Variants in HEATR6 observed in about 807,000 individuals in gnomAD.
The protein encoded by HEATR6 is HEAT repeat-containing protein 6.
Under a neutral mutation model 132.8 loss-of-function variants are expected in HEATR6, and 106 were observed. The ratio of observed to expected loss-of-function variants is 0.80; its 90% CI spans 0.68 to 0.94. HEATR6 has a LOEUF of 0.94. Among genes scored for constraint, HEATR6 ranks in the 40% least tolerant of loss-of-function variants. The pLI is 0.00. For missense variants in HEATR6, 1,339 were observed against 1,425.1 expected (o/e 0.94, Z 0.97); for synonymous variants, 529 against 537.8 (o/e 0.98, Z 0.23).
chr17:60,073,816 G>A lies in HEATR6; in HGVS notation c.398C>T (p.Ser133Phe). 1 of 1,613,894 alleles carries A rather than the reference G, an allele frequency of 6.2e-7. No homozygotes were observed. The change falls in exon 3 of 20, where the codon TCC (serine) becomes TTC (phenylalanine). Residue 133 changes from serine to phenylalanine, a missense_variant. Physicochemically the swap from Ser to Phe is radical, Grantham distance 155. Transcript: ENST00000184956. ...TTGAAGAATTTCCCTGTGTGTCCAG[G>A]AACTACACTGATGAATAGCCGAAAT... is the stretch of plus-strand genomic sequence containing the variant. ...YTISAIHQCS[S>F]WTHREILQAL...
At chr17:60,064,010 T>C (rs1468347627) in intron 9 of HEATR6, 1 of 152,172 alleles carries the variant, frequency 6.6e-6, no homozygotes, top group Non-Finnish European at 1.5e-5. Flanking sequence ...GTCTTTATTT[T>C]AAAAGCCTGT....
In HEATR6 at chr17:60,047,324, G is replaced by A. The variant is rs754749211; in HGVS notation, c.2754C>T (p.Ser918=). 1.9e-6 allele frequency: 3 copies of A among 1,609,168 alleles called. No homozygotes were observed. The highest frequency in any genetic ancestry group is 2.2e-5 in the South Asian group (2 of 90,618). ...GTGAGTCTACCTTGTCTTTATCCTTGGATGCTTCTATAGCTGATCGTAACA... is the reference window on the plus strand; with the variant it reads ...GTGAGTCTACCTTGTCTTTATCCTTAGATGCTTCTATAGCTGATCGTAACA... ...LKMLRSAIEA[S]KDKDKVKSNA... The change falls in exon 18 of 20, where the codon TCC becomes TCT. Residue 918 remains serine, a synonymous_variant. Transcript: ENST00000184956.
In HEATR6 at chr17:60,043,274, C is replaced by G. The variant is rs1489019852; in HGVS notation, c.*289G>C. The G allele has an allele frequency of 5.8e-6, 2 of 345,810 alleles. No individual in the cohort carries two copies. The highest frequency in any genetic ancestry group is 2.1e-5 in the African/African-American group (1 of 46,700). 21.4% of individuals were successfully genotyped at this position (345,810 alleles called of 1,614,324 possible). ...CGAAATCCTTCTACATTTTTTTTTT[C>G]TGAGACTAAATGCCCTCAAAGCCCG... On this transcript the variant is annotated 3_prime_UTR_variant, in exon 20 of 20. Transcript: ENST00000184956.
chr17:60,063,246 T>C (rs2083221635), intron 9 of HEATR6: 1 of 152,222 alleles, frequency 6.6e-6, no homozygotes. Context: ...GTTTTCACTT[T>C]TTATAGTTAT....
At position 60,067,609 on chromosome 17, in the gene HEATR6, C is replaced by T. The variant is rs1402375766; in HGVS notation, c.1063G>A (p.Glu355Lys). 1 of 1,612,426 alleles carries T rather than the reference C, an allele frequency of 6.2e-7. No homozygotes were observed. The highest frequency in any genetic ancestry group is 1.7e-5 in the Admixed American group (1 of 59,672). ...VTGTGRVNLH[E>K]GNTWCPSSLG... is the part of the protein sequence containing the mutation. Reference sequence around the variant, plus strand: ...GAGGAGGGACACCAAGTGTTCCCTTCATGCAGGTTCACTCTGCCTGTGCCA... The same window carrying T: ...GAGGAGGGACACCAAGTGTTCCCTTTATGCAGGTTCACTCTGCCTGTGCCA... Residue 355 changes from glutamate (E) to lysine (K), a missense_variant, in exon 8 of 20, where the codon GAA becomes AAA. Transcript: ENST00000184956.
chr17:60,065,634 AT>A (rs974776853), intron 9 of HEATR6, among the ~76,000 whole-genome samples: 10 of 152,172 alleles, frequency 6.6e-5, no homozygotes, highest in African/African-American at 2.2e-4. Context: ...CCTGCCAATC[AT>A]TTTTTTCTTC....
chr17:60,051,392 CA>C (rs1221411904), intron 14 of HEATR6, among the ~76,000 whole-genome samples: 3 of 152,242 alleles, frequency 2.0e-5, no homozygotes. Flanking sequence ...CTTTTTCACA[CA>C]AGGAAACTGA....
In HEATR6 at chr17:60,067,587, G is replaced by A. The variant is rs2083248615; in HGVS notation, c.1085C>T (p.Ser362Phe). ...AGGCAAACTCTGGACACCCAGGGAG[G>A]AGGGACACCAAGTGTTCCCTTCATG... ...NLHEGNTWCP[S>F]SLGVQSLPLD... The change falls in exon 8 of 20, where the codon TCC (serine) becomes TTC (phenylalanine). Residue 362 changes from serine to phenylalanine, a missense_variant. Ser to Phe is a radical substitution (Grantham distance 155). Transcript: ENST00000184956. 4 of 1,613,180 alleles carry A rather than the reference G, an allele frequency of 2.5e-6. No homozygotes were observed. The highest frequency in any genetic ancestry group is 3.4e-6 in the Non-Finnish European group (4 of 1,179,668).
intron 5 of HEATR6, among the ~76,000 whole-genome samples, chr17:60,071,559 C>A (rs1226740278): frequency 2.0e-5 from 3 of 152,208 alleles, no homozygotes; most frequent in Non-Finnish European, 2.9e-5. Flanking sequence ...AGTTAACTAA[C>A]TTGTCCAAGG....
At chr17:60,067,289 A>G (rs904216106) in intron 8 of HEATR6, 145 bp downstream of exon 8, 40 of 444,410 alleles carry the variant, frequency 9.0e-5, no homozygotes, top group East Asian at 3.8e-4. Flanking sequence ...AAAAAAAAAA[A>G]AGAGAACAAG....
At position 60,050,885 on chromosome 17, in the gene HEATR6, A is replaced by G; in HGVS notation, c.2382T>C (p.Asp794=). Residue 794 remains aspartate (D), a synonymous_variant, in exon 15 of 20, where the codon GAT becomes GAC. Coordinates refer to ENST00000184956, the MANE Select transcript of HEATR6 (RefSeq NM_022070.5). ...CCTCTGGCAAGATGGAAGACAGGGC[A>G]TCACAGGCGCTCGCCTGGAGAGTTG... is the stretch of plus-strand genomic sequence containing the variant. ...EHPTLQASAC[D]ALSSILPEAF... The G allele has an allele frequency of 6.2e-7, 1 of 1,614,238 alleles. No individual in the cohort carries two copies. The highest frequency in any genetic ancestry group is 8.5e-7 in the Non-Finnish European group (1 of 1,180,036).
Position 60,067,406 on chromosome 17 carries a change from G to A in HEATR6, c.1238+28C>T, listed in dbSNP as rs975485120. The A allele has an allele frequency of 3.4e-6, 5 of 1,470,502 alleles. No homozygotes were observed. The South Asian group carries it at 5.6e-5, about 16-fold the overall frequency. 91.1% of individuals were successfully genotyped at this position (1,470,502 alleles called of 1,614,324 possible). Reference sequence around the variant, plus strand: ...ACTTACATGCAACTTAGAATACAAGGTATAAAAATGTAACAAAATACTACT... The same window carrying A: ...ACTTACATGCAACTTAGAATACAAGATATAAAAATGTAACAAAATACTACT... On this transcript the variant is annotated intron_variant, in intron 8 of 19. Coordinates refer to ENST00000184956, the MANE Select transcript of HEATR6 (RefSeq NM_022070.5).
chr17:60,047,355 AAGAGC>A lies in HEATR6; in HGVS notation c.2718_2722del (p.Leu907GlufsTer13). On this transcript the variant is annotated frameshift_variant, in exon 18 of 20. Coordinates refer to ENST00000184956, the MANE Select transcript of HEATR6 (RefSeq NM_022070.5). LOFTEE classifies it high-confidence loss of function. ...TTCTATAGCTGATCGTAACATTTTC[AAGAGC>A]AGGAGACCAGAGAACTCTTCCTGGA... is the stretch of plus-strand genomic sequence containing the variant. 1.2e-6 allele frequency: 2 copies of A among 1,613,324 alleles called. No individual in the cohort carries two copies. Among genetic ancestry groups the A allele is most frequent in the Non-Finnish European group, 1.7e-6 (2 of 1,179,646 alleles).
intron 5 of HEATR6, 72 bp downstream of exon 5, chr17:60,072,143 G>A (rs1165092919): frequency 7.8e-6 from 5 of 644,476 alleles, no homozygotes; most frequent in Admixed American, 2.9e-5. Context: ...AATTAAACTC[G>A]TTAGTAACAC....
At chr17:60,055,641 T>G (rs368941845) in intron 13 of HEATR6, 40 bp from the exon 14 acceptor site, 136 of 1,440,790 alleles carry the variant, frequency 9.4e-5, no homozygotes, top group Non-Finnish European at 1.2e-4. Flanking sequence ...GCATCAGAAC[T>G]AATGAATGAC....
rs924539178 is a variant in HEATR6 at position 60,041,655 on chromosome 17, T to G, written c.*1908A>C. Among the ~76,000 whole-genome samples, 5 of 152,184 alleles carry G rather than the reference T, an allele frequency of 3.3e-5. No individual in the cohort carries two copies. Among genetic ancestry groups the G allele is most frequent in the Admixed American group, 1.3e-4 (2 of 15,268 alleles). ...TGCTGTGCTTGCAGTCTTAATTCTG[T>G]GGACACTGATATTCTATCAATGGAA... On this transcript the variant is annotated 3_prime_UTR_variant, in exon 20 of 20. Transcript: ENST00000184956.
At chr17:60,048,435 G>C in intron 16 of HEATR6, 47 bp from the exon 17 acceptor site, 2 of 1,523,090 alleles carry the variant, frequency 1.3e-6, no homozygotes, top group Non-Finnish European at 8.9e-7. Flanking sequence ...AGGTCATGCT[G>C]CTACCTTTGA....
chr17:60,078,670 C>G (rs2145206027), intron 1 of HEATR6, 26 bp downstream of exon 1: 1 of 1,522,562 alleles, frequency 6.6e-7, no homozygotes, highest in South Asian at 1.2e-5. Flanking sequence ...GGGCCGGGGC[C>G]GGGGCCAGCA....
intron 19 of HEATR6, among the ~76,000 whole-genome samples, chr17:60,045,478 T>C (rs76518617): frequency 5.9e-5 from 9 of 152,360 alleles, no homozygotes; most frequent in African/African-American, 2.2e-4. Context: ...GGCATGCCAC[T>C]ACTTAGAGAC....
Sources: allele counts gnomAD v4.1 joint callset (sites outside exome capture counted in the v4.1 genomes callset), GRCh38; gene constraint gnomAD v4.1.1; transcripts MANE v1.5; gene names NCBI Gene and HGNC (gene_info 2026-07-23, HGNC 2026-07-21).